Variants in ATL1 observed in about 807,000 individuals in gnomAD.
ATL1 encodes atlastin-1.
ATL1 carries 31 observed loss-of-function variants against 75.5 expected under a neutral mutation model. That is an observed-to-expected ratio of 0.41 (90% CI 0.31 to 0.55). The LOEUF is 0.55. Ranked by LOEUF, ATL1 falls within the 20% of genes least tolerant of loss-of-function variation. ATL1 has a pLI of 0.27. For missense variants in ATL1, 405 were observed against 662.6 expected (o/e 0.61, Z 4.27); for synonymous variants, 226 against 233.3 (o/e 0.97, Z 0.28).
chr14:50,608,897 C>A (rs1411279951), intron 6 of ATL1, among the ~76,000 whole-genome samples: 3 of 151,922 alleles, frequency 2.0e-5, no homozygotes, highest in Non-Finnish European at 4.4e-5. Context: ...TTAAAGTTAG[C>A]AGACTACTTA....
Position 50,591,078 on chromosome 14 carries a change from A to G in ATL1, c.417+3A>G, listed in dbSNP as rs200310890. 3,116 of 1,612,848 alleles carry G rather than the reference A, an allele frequency of 1.9e-3. 84 individuals are homozygous for G. In the South Asian group the frequency reaches 0.032, roughly 16 times the overall value. ...TCAATAAACCTGATGGTAAAAAGGT[A>G]TGATGCTAACTTCCTAAATAAAATT... On this transcript the variant is annotated splice_donor_region_variant and intron_variant, in intron 3 of 13. Transcript: ENST00000358385.
Position 50,593,893 on chromosome 14 carries a change from C to T in ATL1, c.570C>T (p.Leu190=), listed in dbSNP as rs202173614. ...TCCAGGAGGATGATCTTCAGCACCT[C>T]CAGGTAACAATATTTATTTTCTTTT... ...QNVQEDDLQH[L]QLFTEYGRLA... Residue 190 remains leucine, a synonymous_variant, in exon 5 of 14, where the codon CTC becomes CTT. Coordinates refer to ENST00000358385, the MANE Select transcript of ATL1 (RefSeq NM_015915.5). 3 of 1,604,764 alleles carry T rather than the reference C, an allele frequency of 1.9e-6. No homozygotes were observed. The highest frequency in any genetic ancestry group is 1.1e-5 in the South Asian group (1 of 90,892).
chr14:50,565,524 T>A (rs1303482501), intron 1 of ATL1, among the ~76,000 whole-genome samples: 1 of 152,116 alleles, frequency 6.6e-6, no homozygotes, highest in Admixed American at 6.5e-5. Flanking sequence ...ATGTACTGTA[T>A]GATATGTACT....
chr14:50,629,960 T>C (rs2039563708), intron 12 of ATL1, 35 bp from the exon 13 acceptor site: 2 of 1,539,064 alleles, frequency 1.3e-6, no homozygotes, highest in African/African-American at 2.8e-5. Context: ...GGATATATAC[T>C]TTTCTTTTTT....
chr14:50,599,004 C>T (rs868583487), intron 6 of ATL1, among the ~76,000 whole-genome samples: 1 of 143,970 alleles, frequency 6.9e-6, no homozygotes, highest in Non-Finnish European at 1.6e-5. Flanking sequence ...GAAGAAAGTG[C>T]TGGAGAATAT....
At chr14:50,548,873 A>G (rs2038667197) in intron 1 of ATL1, among the ~76,000 whole-genome samples, 1 of 152,130 alleles carries the variant, frequency 6.6e-6, no homozygotes, top group African/African-American at 2.4e-5. Context: ...GCTATTAGCC[A>G]TGTATAGGGC....
intron 1 of ATL1, among the ~76,000 whole-genome samples, chr14:50,537,623 A>T (rs1326357401): frequency 6.6e-6 from 1 of 152,236 alleles, no homozygotes; most frequent in Admixed American, 6.5e-5. Context: ...CTGCAAAGCC[A>T]CAGGGGCAGA....
chr14:50,610,325 G>A (rs779393728), intron 6 of ATL1, among the ~76,000 whole-genome samples: 1 of 151,970 alleles, frequency 6.6e-6, no homozygotes, highest in Non-Finnish European at 1.5e-5. Flanking sequence ...AATATTCCAT[G>A]GAAAAAGACA....
intron 1 of ATL1, among the ~76,000 whole-genome samples, chr14:50,578,320 T>C (rs2039025426): frequency 6.6e-6 from 1 of 152,166 alleles, no homozygotes; most frequent in Non-Finnish European, 1.5e-5. Context: ...CATGTGTAAC[T>C]CTTCAAGAGC....
intron 1 of ATL1, among the ~76,000 whole-genome samples, chr14:50,545,408 A>G (rs2038618425): frequency 4.6e-5 from 7 of 152,118 alleles, no homozygotes; most frequent in Admixed American, 2.0e-4. Flanking sequence ...CCAAAGGGAG[A>G]TTCAGGAAGG....
Position 50,549,881 on chromosome 14 carries a change from C to T in ATL1, c.-139-10246C>T, listed in dbSNP as rs942810954. On this transcript the variant is annotated intron_variant, in intron 1 of 13. Transcript: ENST00000441560. The stretch of plus-strand genomic sequence containing the variant: ...ATTTTAAAAGAGTTACCCACTAACA[C>T]ACTTGGCATCATTCCGTATGAATGG... Among the ~76,000 whole-genome samples, 8 of 152,312 alleles carry T rather than the reference C, an allele frequency of 5.3e-5. 1 individual carries two copies. Among genetic ancestry groups the T allele is most frequent in the Non-Finnish European group, 5.9e-5 (4 of 68,022 alleles).
intron 10 of ATL1, 27 bp from the exon 11 acceptor site, chr14:50,623,150 A>ACAT (rs764852363): frequency 3.1e-6 from 5 of 1,605,042 alleles, no homozygotes; most frequent in African/African-American, 1.3e-5. Flanking sequence ...ACTGCATTTT[A>ACAT]CATCATATTT....
At chr14:50,567,188 T>A (rs1045931549) in intron 1 of ATL1, among the ~76,000 whole-genome samples, 3 of 152,226 alleles carry the variant, frequency 2.0e-5, no homozygotes, top group African/African-American at 7.2e-5. Flanking sequence ...TGACTTTGAC[T>A]ACTCTGTGTA....
intron 6 of ATL1, among the ~76,000 whole-genome samples, chr14:50,612,655 T>C (rs1390888567): frequency 6.6e-6 from 1 of 152,138 alleles, no homozygotes; most frequent in South Asian, 2.1e-4. Flanking sequence ...GTTTTTCTCC[T>C]TTTTCTTTCT....
chr14:50,550,661 C>T (rs914969137), intron 1 of ATL1, among the ~76,000 whole-genome samples: 1 of 152,178 alleles, frequency 6.6e-6, no homozygotes, highest in Admixed American at 6.5e-5. Context: ...CAAAACAAGT[C>T]TCAATAAACT....
chr14:50,589,476 G>A lies in ATL1; in HGVS notation c.282+1398G>A, dbSNP rs143866415. On this transcript the variant is annotated intron_variant, in intron 2 of 13. Transcript: ENST00000358385. ...CCCAGCCTGATCGACGTATTTCTAA[G>A]TGTAGTTCAGGGAAGGGCATATTGT... Among the ~76,000 whole-genome samples the A allele has an allele frequency of 3.3e-3, 499 of 152,234 alleles. 1 individual carries two copies. The highest frequency in any genetic ancestry group is 0.012 in the African/African-American group (481 of 41,542).
rs774062773 is a variant in ATL1 at position 50,625,025 on chromosome 14, GCACCAC to G, written c.1119+1778_1119+1783del. Among the ~76,000 whole-genome samples, 919 of 150,814 alleles carry G rather than the reference GCACCAC, an allele frequency of 6.1e-3. 3 individuals carry two copies. The highest frequency in any genetic ancestry group is 0.025 in the Middle Eastern group (7 of 282). On this transcript the variant is annotated intron_variant, in intron 11 of 13. Transcript: ENST00000358385. Reference sequence around the variant, plus strand: ...GCAGAGGTTGCAATGAGCCAAGATCGCACCACTGCACTGCACTCCAGCCTGGGGGAC... The same window carrying G: ...GCAGAGGTTGCAATGAGCCAAGATCGTGCACTGCACTCCAGCCTGGGGGAC...
chr14:50,570,773 T>A (rs1184116061), intron 1 of ATL1, among the ~76,000 whole-genome samples: 1 of 152,234 alleles, frequency 6.6e-6, no homozygotes, highest in Non-Finnish European at 1.5e-5. Context: ...TTTCTTTGTA[T>A]ACTTTGTGAT....
chr14:50,592,925 A>ATATAT (rs1555364081), intron 4 of ATL1, among the ~76,000 whole-genome samples: 3 of 104,604 alleles, frequency 2.9e-5, no homozygotes, highest in African/African-American at 9.4e-5. Flanking sequence ...AAAAAAAAAA[A>ATATAT]AAAAATATAT....
Sources: allele counts gnomAD v4.1 joint callset (sites outside exome capture counted in the v4.1 genomes callset), GRCh38; gene constraint gnomAD v4.1.1; transcripts MANE v1.5; gene names NCBI Gene and HGNC (gene_info 2026-07-23, HGNC 2026-07-21).